The following SLIT3 variants were observed in gnomAD, a reference collection of about 807,000 sequenced individuals.
The protein encoded by SLIT3 is slit homolog 3 protein.
In SLIT3, 68 loss-of-function variants were observed where a neutral mutation model predicts 184.0. That is an observed-to-expected ratio of 0.37 (90% CI 0.30 to 0.45). The LOEUF (loss-of-function observed/expected upper bound fraction) is 0.45. SLIT3 is among the 20% of genes least tolerant of loss of function. The pLI, the probability that SLIT3 is intolerant of heterozygous loss-of-function variation, is 1.00. For missense variants in SLIT3, 1,707 were observed against 2,026.0 expected (o/e 0.84, Z 3.02); for synonymous variants, 831 against 828.6 (o/e 1.00, Z -0.05).
intron 4 of SLIT3, among the ~76,000 whole-genome samples, chr5:169,037,241 A>T (rs1175414861): frequency 6.6e-6 from 1 of 152,388 alleles, no homozygotes; most frequent in Non-Finnish European, 1.5e-5. Flanking sequence ...AACAAAGTCC[A>T]TAATTACTAA....
At chr5:169,115,919 C>T (rs1042314748) in intron 4 of SLIT3, among the ~76,000 whole-genome samples, 3 of 152,278 alleles carry the variant, frequency 2.0e-5, no homozygotes, top group South Asian at 2.1e-4. Context: ...AGGCACAGTG[C>T]GCCCTGCAAA....
chr5:168,785,163 A>G (rs11134531), intron 12 of SLIT3, among the ~76,000 whole-genome samples: 60,255 of 151,882 alleles, frequency 0.4, 11,990 homozygotes, highest in Middle Eastern at 0.47. Flanking sequence ...ACACTCCCAC[A>G]CCCATAGTAC....
intron 9 of SLIT3, among the ~76,000 whole-genome samples, chr5:168,804,691 C>G (rs1412943264): frequency 6.6e-6 from 1 of 152,172 alleles, no homozygotes; most frequent in Non-Finnish European, 1.5e-5. Context: ...GTTGTGTCTA[C>G]TATGGCTGGA....
intron 5 of SLIT3, chr5:168,844,896 ATTTTTTT>A (rs34420406): frequency 1.2e-4 from 28 of 230,938 alleles, no homozygotes; most frequent in South Asian, 2.8e-4. Flanking sequence ...TTAATTGCGC[ATTTTTTT>A]TTTTTTTTTT....
At chr5:168,990,804 G>A (rs1196037384) in intron 4 of SLIT3, among the ~76,000 whole-genome samples, 3 of 152,184 alleles carry the variant, frequency 2.0e-5, no homozygotes, top group African/African-American at 4.8e-5. Flanking sequence ...GCAAGAACAC[G>A]CTCCAGGGAG....
intron 4 of SLIT3, among the ~76,000 whole-genome samples, chr5:168,954,910 TAAGA>T (rs1355579669): frequency 2.0e-5 from 3 of 152,236 alleles, no homozygotes; most frequent in Non-Finnish European, 4.4e-5. Flanking sequence ...GTGAAAACTT[TAAGA>T]AACGTGTCTA....
intron 1 of SLIT3, among the ~76,000 whole-genome samples, chr5:169,262,034 G>A (rs374307894): frequency 6.6e-6 from 1 of 152,144 alleles, no homozygotes; most frequent in Non-Finnish European, 1.5e-5. Context: ...CAATAACCTT[G>A]AGAGCTTGGA....
intron 4 of SLIT3, among the ~76,000 whole-genome samples, chr5:169,132,641 G>A (rs751994100): frequency 6.6e-6 from 1 of 152,088 alleles, no homozygotes; most frequent in Non-Finnish European, 1.5e-5. Flanking sequence ...CAGGAACCAG[G>A]ACTTCTCAAA....
At chr5:168,985,605 G>A (rs1002124296) in intron 4 of SLIT3, among the ~76,000 whole-genome samples, 31 of 152,136 alleles carry the variant, frequency 2.0e-4, no homozygotes, top group African/African-American at 4.1e-4. Flanking sequence ...CATGGTGGGC[G>A]CAGCATGTGG....
intron 4 of SLIT3, among the ~76,000 whole-genome samples, chr5:168,884,421 T>TTTCA (rs1554153357): frequency 3.8e-5 from 2 of 52,176 alleles, no homozygotes; most frequent in East Asian, 5.5e-4. Flanking sequence ...TCTCTCTCTC[T>TTTCA]CTCTCTCACA....
intron 5 of SLIT3, among the ~76,000 whole-genome samples, chr5:168,866,072 T>G (rs1759289076): frequency 1.3e-5 from 2 of 152,200 alleles, no homozygotes; most frequent in Non-Finnish European, 2.9e-5. Context: ...AAGACAGCTT[T>G]TTCACTTTTT....
chr5:168,822,570 C>A (rs1400239492), intron 7 of SLIT3, among the ~76,000 whole-genome samples: 1 of 152,116 alleles, frequency 6.6e-6, no homozygotes, highest in South Asian at 2.1e-4. Flanking sequence ...AGGTTCCTGA[C>A]TGGGAGCAGA....
chr5:169,016,239 A>G (rs969014508), intron 4 of SLIT3, among the ~76,000 whole-genome samples: 11 of 152,172 alleles, frequency 7.2e-5, no homozygotes, highest in African/African-American at 2.7e-4. Context: ...CTGCAAGCAA[A>G]GGTCTCCTGG....
intron 4 of SLIT3, among the ~76,000 whole-genome samples, chr5:168,888,067 G>A (rs1378022003): frequency 6.6e-6 from 1 of 152,158 alleles, no homozygotes; most frequent in African/African-American, 2.4e-5. Flanking sequence ...GTCTTATGTT[G>A]GGTTCTCTCA....
intron 5 of SLIT3, among the ~76,000 whole-genome samples, chr5:168,848,922 T>G (rs1253056788): frequency 6.6e-6 from 1 of 152,200 alleles, no homozygotes; most frequent in Non-Finnish European, 1.5e-5. Flanking sequence ...AGAAATGTTT[T>G]TGTGCTTCAG....
At chr5:168,991,560 C>A (rs1271254867) in intron 4 of SLIT3, among the ~76,000 whole-genome samples, 1 of 152,222 alleles carries the variant, frequency 6.6e-6, no homozygotes, top group Non-Finnish European at 1.5e-5. Context: ...CCACCCCCAG[C>A]AGCAAACCTG....
chr5:169,209,636 A>G (rs12655553), intron 3 of SLIT3, among the ~76,000 whole-genome samples: 47,369 of 152,022 alleles, frequency 0.31, 8,352 homozygotes, highest in East Asian at 0.69. Context: ...ATTAGTTCAC[A>G]TCCTTTGCAG....
chr5:168,998,702 TCAAAACAAAACAAAA>T (rs66611793), intron 4 of SLIT3, among the ~76,000 whole-genome samples: 42 of 141,696 alleles, frequency 3.0e-4, no homozygotes, highest in Admixed American at 1.4e-3. Flanking sequence ...AGACTCCATT[TCAAAACAAAACAAAA>T]CAAAACAAAA....
intron 4 of SLIT3, among the ~76,000 whole-genome samples, chr5:168,969,286 C>G (rs1241376058): frequency 6.6e-6 from 1 of 152,124 alleles, no homozygotes; most frequent in Non-Finnish European, 1.5e-5. Flanking sequence ...TGCAGACAAG[C>G]AGGGAGTCAA....
Sources: gnomAD v4.1 joint callset for allele counts (sites outside exome capture counted in the v4.1 genomes callset) on GRCh38, gnomAD v4.1.1 for gene constraint, MANE v1.5 for transcripts, NCBI Gene and HGNC (gene_info 2026-07-23, HGNC 2026-07-21) for gene names.